Variants in TNFSF4 observed in about 807,000 individuals in gnomAD.
TNFSF4 encodes the protein tumor necrosis factor ligand superfamily member 4.
TNFSF4 carries 4 observed loss-of-function variants against 7.3 expected under a neutral mutation model. The observed-to-expected ratio is 0.55, with a 90% confidence interval of 0.27 to 1.25. The LOEUF (loss-of-function observed/expected upper bound fraction) is 1.25, where lower values mean the gene tolerates loss of function less well. Ranked by LOEUF, TNFSF4 falls within the 50% of genes most tolerant of loss-of-function variation. The pLI, the probability that TNFSF4 is intolerant of heterozygous loss-of-function variation, is 0.12. For missense variants in TNFSF4, 181 were observed against 208.8 expected, an observed-to-expected ratio of 0.87 and a Z score of 0.82; for synonymous variants, 76 against 83.7, an observed-to-expected ratio of 0.91 and a Z score of 0.50.
the TNFSF4 span, among the ~76,000 whole-genome samples, chr1:173,260,398 G>A: frequency 6.6e-6 from 1 of 152,126 alleles, no homozygotes; most frequent in Non-Finnish European, 1.5e-5. Context: ...CACTGTAGTA[G>A]GCAGACCAAT....
At chr1:173,255,405 C>G in the TNFSF4 span, among the ~76,000 whole-genome samples, 2 of 152,190 alleles carry the variant, frequency 1.3e-5, no homozygotes, top group African/African-American at 4.8e-5. Flanking sequence ...AGGGGGAGCT[C>G]AAGGCTCCTT....
In TNFSF4 at chr1:173,205,418, C is replaced by T. The variant is rs536850316; in HGVS notation, c.153+1606G>A. On this transcript the variant is annotated intron_variant, in intron 1 of 2. Transcript: ENST00000281834. ...GTTGGAAAGGATCCCCTCTTTTTCTCAACATCTCCTGGATATTGATAGTCC... is the reference window on the plus strand; with the variant it reads ...GTTGGAAAGGATCCCCTCTTTTTCTTAACATCTCCTGGATATTGATAGTCC... 47 of 1,600,916 alleles carry T rather than the reference C, an allele frequency of 2.9e-5. No homozygotes were observed. In the African/African-American group the frequency reaches 5.6e-4, roughly 19 times the overall value.
the TNFSF4 span, among the ~76,000 whole-genome samples, chr1:173,356,127 G>A: frequency 6.6e-6 from 1 of 152,172 alleles, no homozygotes; most frequent in East Asian, 1.9e-4. Context: ...AATAAGGCAG[G>A]CTTATGTGAG....
chr1:173,394,579 T>C, the TNFSF4 span, among the ~76,000 whole-genome samples: 3 of 152,184 alleles, frequency 2.0e-5, no homozygotes, highest in African/African-American at 7.2e-5. Context: ...CAAATGAGGA[T>C]TGGCATTGTC....
At chr1:173,251,351 T>C in the TNFSF4 span, among the ~76,000 whole-genome samples, 4 of 152,228 alleles carry the variant, frequency 2.6e-5, no homozygotes, top group Admixed American at 2.0e-4. Context: ...AGAAATCTTG[T>C]TACAGAAAAA....
At chr1:173,217,068 C>T in the TNFSF4 span, among the ~76,000 whole-genome samples, 2 of 152,128 alleles carry the variant, frequency 1.3e-5, no homozygotes, top group Non-Finnish European at 2.9e-5. Flanking sequence ...CACCACCTCC[C>T]GTCTGCTCCG....
chr1:173,293,413 C>G, the TNFSF4 span, among the ~76,000 whole-genome samples: 1 of 152,014 alleles, frequency 6.6e-6, no homozygotes, highest in African/African-American at 2.4e-5. Flanking sequence ...ACTGGCTAGC[C>G]ATATGCAGGA....
the TNFSF4 span, among the ~76,000 whole-genome samples, chr1:173,293,748 A>G: frequency 1.3e-5 from 2 of 152,072 alleles, no homozygotes; most frequent in Non-Finnish European, 2.9e-5. Context: ...CAGAATCTAT[A>G]AGGAACTTAA....
chr1:173,289,922 C>A, the TNFSF4 span, among the ~76,000 whole-genome samples: 1 of 147,994 alleles, frequency 6.8e-6, no homozygotes. Context: ...ACTGGAGTTC[C>A]AGAAGGAGAA....
chr1:173,416,345 C>A, the TNFSF4 span, among the ~76,000 whole-genome samples: 1 of 152,154 alleles, frequency 6.6e-6, no homozygotes, highest in Non-Finnish European at 1.5e-5. Context: ...TGGCTTAAAG[C>A]AAGTCCCCTG....
chr1:173,365,852 A>G, the TNFSF4 span, among the ~76,000 whole-genome samples: 1 of 152,234 alleles, frequency 6.6e-6, no homozygotes, highest in Non-Finnish European at 1.5e-5. Context: ...GTGTCAGGAC[A>G]AGATTTATCA....
At chr1:173,252,069 T>C in the TNFSF4 span, among the ~76,000 whole-genome samples, 1 of 152,204 alleles carries the variant, frequency 6.6e-6, no homozygotes, top group Non-Finnish European at 1.5e-5. Context: ...TAGATGGTTT[T>C]AGTTGGCTAA....
the TNFSF4 span, among the ~76,000 whole-genome samples, chr1:173,409,942 A>C: frequency 6.6e-6 from 1 of 152,184 alleles, no homozygotes; most frequent in African/African-American, 2.4e-5. Context: ...TTCTGTATAC[A>C]TATTATACTT....
chr1:173,336,240 C>T, the TNFSF4 span, among the ~76,000 whole-genome samples: 2,182 of 152,278 alleles, frequency 0.014, 54 homozygotes, highest in African/African-American at 0.05. Context: ...GCAGAGATTA[C>T]TACCACCATT....
chr1:173,230,465 C>T, the TNFSF4 span, among the ~76,000 whole-genome samples: 5 of 152,162 alleles, frequency 3.3e-5, no homozygotes, highest in African/African-American at 1.2e-4. Context: ...TAAATGCTCA[C>T]AAGAGAAAGC....
chr1:173,173,239 A>G, the TNFSF4 span, among the ~76,000 whole-genome samples: 1 of 152,192 alleles, frequency 6.6e-6, no homozygotes. Context: ...CTCACATTTC[A>G]AAACACAATT....
At chr1:173,199,935 A>T (rs1295113365) in intron 1 of TNFSF4, among the ~76,000 whole-genome samples, 1 of 152,228 alleles carries the variant, frequency 6.6e-6, no homozygotes, top group Non-Finnish European at 1.5e-5. Flanking sequence ...TTGTACAAAT[A>T]TATCATACAT....
At chr1:173,191,674 TAG>T (rs747208186) in intron 1 of TNFSF4, among the ~76,000 whole-genome samples, 2 of 152,248 alleles carry the variant, frequency 1.3e-5, no homozygotes, top group Non-Finnish European at 2.9e-5. Context: ...ACAAAGAGCA[TAG>T]ACTTTGGAGT....
chr1:173,240,313 A>T, the TNFSF4 span, among the ~76,000 whole-genome samples: 1 of 152,028 alleles, frequency 6.6e-6, no homozygotes, highest in Non-Finnish European at 1.5e-5. Context: ...CCCATCTACA[A>T]TCCCACTTCC....
Sources: allele counts gnomAD v4.1 joint callset (sites outside exome capture counted in the v4.1 genomes callset), GRCh38; gene constraint gnomAD v4.1.1; transcripts MANE v1.5; gene names NCBI Gene and HGNC (gene_info 2026-07-23, HGNC 2026-07-21).